The following EHD1 variants were observed in gnomAD, a reference collection of about 807,000 sequenced individuals.
EHD1 encodes EH domain containing 1, also known as EH domain-containing protein 1.
Under a neutral mutation model 39.0 loss-of-function variants are expected in EHD1, and 19 were observed. The observed-to-expected ratio is 0.49, with a 90% CI of 0.34 to 0.72. EHD1 has a LOEUF of 0.72. Ranked by LOEUF, EHD1 falls within the 30% of genes least tolerant of loss-of-function variation. The pLI is 0.01. For synonymous variants in EHD1, 323 were observed against 331.2 expected, an observed-to-expected ratio of 0.98 and a Z score of 0.27; for missense variants, 542 against 751.5, an observed-to-expected ratio of 0.72 and a Z score of 3.26.
intron 4 of EHD1, 62 bp downstream of exon 4, chr11:64,855,260 C>T: frequency 1.3e-6 from 2 of 1,579,460 alleles, no homozygotes; most frequent in South Asian, 1.1e-5. Flanking sequence ...AAATCCAGTG[C>T]CCTGGGCCTT....
upstream of EHD1, chr11:64,878,926 C>T (rs892353912): frequency 3.9e-6 from 4 of 1,016,902 alleles, no homozygotes; most frequent in African/African-American, 6.9e-5. Flanking sequence ...GCCTCTGGGC[C>T]GCGCGCCTTC....
At chr11:64,879,049 A>G (rs995118154), upstream of EHD1, 10 of 999,232 alleles carry the variant, frequency 1.0e-5, no homozygotes, top group Non-Finnish European at 1.2e-5. Context: ...GCGGTCCTCC[A>G]GCTGGCTCGG....
upstream of EHD1, chr11:64,878,912 G>C: frequency 9.7e-7 from 1 of 1,029,510 alleles, no homozygotes; most frequent in African/African-American, 1.7e-5. Context: ...GTTCGGCGGA[G>C]ACGGCCTCTG....
At chr11:64,861,913 A>G (rs1445545419) in intron 2 of EHD1, among the ~76,000 whole-genome samples, 2 of 152,016 alleles carry the variant, frequency 1.3e-5, no homozygotes, top group Non-Finnish European at 2.9e-5. Flanking sequence ...AAAATTTTAT[A>G]TTCATTTTTT....
In EHD1 at chr11:64,868,270, C is replaced by T. The variant is rs539079542; in HGVS notation, c.502+6151G>A. ...CAGGTTTCCAACGCGTGCTGGGCCT[C>T]GTTCCTGGGCTTGCTCAGGCTGAAG... is the stretch of plus-strand genomic sequence containing the variant. On this transcript the variant is annotated intron_variant, in intron 2 of 4. Transcript: ENST00000320631. This position sits in a 1 kb window ranked among gnomAD's most constrained non-coding sequence, Gnocchi z 4.2. Among the ~76,000 whole-genome samples the T allele has an allele frequency of 2.0e-5, 3 of 152,320 alleles. No individual in the cohort carries two copies. Among genetic ancestry groups the T allele is most frequent in the East Asian group, 1.9e-4 (1 of 5,190 alleles).
In EHD1 at chr11:64,878,073, G is replaced by A. The variant is rs777063700; in HGVS notation, c.392C>T (p.Ala131Val). The A allele has an allele frequency of 2.0e-6, 3 of 1,522,086 alleles. No individual in the cohort carries two copies. In the Admixed American group the frequency reaches 6.1e-5, roughly 31 times the overall value. 94.3% of individuals were successfully genotyped at this position (1,522,086 alleles called of 1,614,324 possible). A position where few individuals can be genotyped will look rare whatever the true frequency, so the allele number is the denominator to read the frequency against. The change falls in exon 1 of 5, where the codon GCT becomes GTT. Residue 131 changes from alanine to valine, a missense_variant. Physicochemically the swap from Ala to Val is moderately conservative, Grantham distance 64. Coordinates refer to ENST00000320631, the MANE Select transcript of EHD1 (RefSeq NM_006795.4). Reference sequence around the variant, plus strand: ...GATGGGTGGGTACCTGTTGAGGAAAGCGTTGCCAAACGCGTTGAGCTTGCG... The same window carrying A: ...GATGGGTGGGTACCTGTTGAGGAAAACGTTGCCAAACGCGTTGAGCTTGCG... ...PFRKLNAFGN[A>V]FLNRFMCAQL...
rs1299416933 is a variant in EHD1, at chr11:64,852,634, C to G, written c.*1699G>C. On this transcript the variant is annotated 3_prime_UTR_variant, in exon 5 of 5. Coordinates refer to ENST00000320631, the MANE Select transcript of EHD1 (RefSeq NM_006795.4). ...GGGTTGGTCACCTTGCCCCGGCTGC[C>G]TTGCCACTCTGTCCCTGCTGGCATC... The G allele has an allele frequency of 6.6e-6, 1 of 152,606 alleles. No individual in the cohort carries two copies. Among genetic ancestry groups the G allele is most frequent in the African/African-American group, 2.4e-5 (1 of 41,446 alleles). 9.5% of individuals were successfully genotyped at this position (152,606 alleles called of 1,614,324 possible).
At chr11:64,866,443 C>A (rs780129879) in intron 2 of EHD1, among the ~76,000 whole-genome samples, 1 of 152,138 alleles carries the variant, frequency 6.6e-6, no homozygotes, top group Non-Finnish European at 1.5e-5. Context: ...CGCTTGTAAT[C>A]GCAGCACTCT....
At chr11:64,874,832 C>A (rs1242796359) in intron 1 of EHD1, among the ~76,000 whole-genome samples, 1 of 152,244 alleles carries the variant, frequency 6.6e-6, no homozygotes, top group African/African-American at 2.4e-5. Flanking sequence ...AAGCCTAGGT[C>A]ACCATTCAGT....
At chr11:64,878,704 A>T, upstream of EHD1, 2 of 1,347,108 alleles carry the variant, frequency 1.5e-6, no homozygotes, top group Admixed American at 7.4e-5. Context: ...GCAGGGCGGA[A>T]TTGGGGGCGG....
At position 64,868,341 on chromosome 11, in the gene EHD1, C is replaced by T. The variant is rs1263739250; in HGVS notation, c.502+6080G>A. 6.6e-6 allele frequency among the ~76,000 whole-genome samples: 1 copy of T among 152,164 alleles called. No homozygotes were observed. On this transcript the variant is annotated intron_variant, in intron 2 of 4. Coordinates refer to ENST00000320631, the MANE Select transcript of EHD1 (RefSeq NM_006795.4). This position sits in a 1 kb window ranked among gnomAD's most constrained non-coding sequence, Gnocchi z 4.2. ...AGTGGAGCACAGAGGCGCCTCCGTT[C>T]CTCAGCATTTACCTGAGAGCAGCAG... is the stretch of plus-strand genomic sequence containing the variant.
intron 3 of EHD1, 76 bp from the exon 4 acceptor site, chr11:64,855,562 C>T: frequency 6.3e-7 from 1 of 1,590,812 alleles, no homozygotes; most frequent in Non-Finnish European, 8.5e-7. Context: ...AAGGACACTC[C>T]AAGGATACTC....
At position 64,855,582 on chromosome 11, in the gene EHD1, C is replaced by T. The variant is rs1003475185; in HGVS notation, c.916-96G>A. The stretch of plus-strand genomic sequence containing the variant: ...CACTCCAAGGATACTCCAAGGTGCT[C>T]GCTCAGGAACAGGGAAGCAGGAGGG... On this transcript the variant is annotated intron_variant, in intron 3 of 4. Coordinates refer to ENST00000320631, the MANE Select transcript of EHD1 (RefSeq NM_006795.4). 12 of 1,557,550 alleles carry T rather than the reference C, an allele frequency of 7.7e-6. No individual in the cohort carries two copies. In the Admixed American group the frequency reaches 9.9e-5, roughly 13 times the overall value.
chr11:64,863,391 G>A (rs965570436), intron 2 of EHD1, among the ~76,000 whole-genome samples: 1 of 152,148 alleles, frequency 6.6e-6, no homozygotes, highest in Non-Finnish European at 1.5e-5. Context: ...AGCTGGACAG[G>A]GTCGCCCACG....
At position 64,855,496 on chromosome 11, in the gene EHD1, C is replaced by T. The variant is rs376511898; in HGVS notation, c.916-10G>A. On this transcript the variant is annotated splice_polypyrimidine_tract_variant and intron_variant, in intron 3 of 4. Transcript: ENST00000320631. ...TGATGTAGGCGTGAACCTGTGAGGA[C>T]GGGGTGAGCATCAGGCGCTCTCTTG... The T allele has an allele frequency of 2.6e-5, 42 of 1,613,418 alleles. No individual in the cohort carries two copies. The highest frequency in any genetic ancestry group is 3.3e-5 in the South Asian group (3 of 91,062).
At chr11:64,874,545 A>G in intron 1 of EHD1, 27 bp from the exon 2 acceptor site, 2 of 1,562,622 alleles carry the variant, frequency 1.3e-6, no homozygotes, top group Non-Finnish European at 1.7e-6. Context: ...GCCAGAAGAG[A>G]GGCGTCAAGA....
chr11:64,854,316 T>A lies in EHD1; in HGVS notation c.*17A>T. ...CCCGGCCGGGCGTGCAAATGGCAGG[T>A]GCGGGGCCGGGCGCCATCACTCATG... On this transcript the variant is annotated 3_prime_UTR_variant, in exon 5 of 5. Transcript: ENST00000320631. 1 of 1,581,678 alleles carries A rather than the reference T, an allele frequency of 6.3e-7. No individual in the cohort carries two copies. The highest frequency in any genetic ancestry group is 1.7e-5 in the Admixed American group (1 of 58,452).
intron 3 of EHD1, among the ~76,000 whole-genome samples, chr11:64,857,622 T>C (rs543102638): frequency 2.0e-5 from 3 of 151,820 alleles, no homozygotes; most frequent in Non-Finnish European, 4.4e-5. Flanking sequence ...TGGCAAAGGA[T>C]GAAGGGTCAG....
intron 2 of EHD1, among the ~76,000 whole-genome samples, chr11:64,867,468 C>T (rs563386256): frequency 1.3e-5 from 2 of 151,908 alleles, no homozygotes; most frequent in Non-Finnish European, 2.9e-5. Context: ...CCAGCAATCC[C>T]AGCACTTTGG....
Sources: gnomAD v4.1 joint callset for allele counts (sites outside exome capture counted in the v4.1 genomes callset) on GRCh38, gnomAD v4.1.1 for gene constraint, Gnocchi (gnomAD v3.1) non-coding constraint, MANE v1.5 for transcripts, NCBI Gene and HGNC (gene_info 2026-07-23, HGNC 2026-07-21) for gene names.